The following MICU2 variants were observed in gnomAD, a reference collection of about 807,000 sequenced individuals.
MICU2 encodes the protein mitochondrial calcium uptake 2, also known as calcium uptake protein 2, mitochondrial.
A neutral mutation model predicts 60.4 loss-of-function variants in MICU2; 64 were observed. That is an observed-to-expected ratio of 1.06 (90% CI 0.87 to 1.31). The LOEUF is 1.31. Ranked by LOEUF, MICU2 falls within the 50% of genes most tolerant of loss-of-function variation. The pLI, the probability that MICU2 is intolerant of heterozygous loss-of-function variation, is 0.00. For synonymous variants in MICU2, 201 were observed against 175.0 expected (o/e 1.15, Z -1.17); for missense variants, 569 against 531.0 (o/e 1.07, Z -0.70).
chr13:21,566,896 T>C lies in MICU2; in HGVS notation c.259A>G (p.Lys87Glu). 6.8e-6 allele frequency: 11 copies of C among 1,612,256 alleles called. No homozygotes were observed. Among genetic ancestry groups the C allele is most frequent in the South Asian group, 2.2e-5 (2 of 90,728 alleles). ...IIYIGKPSLRKQRFMQFSSLE... is the reference protein window; with the variant it reads ...IIYIGKPSLREQRFMQFSSLE... ...GAAGAAAACTGCATGAAGCGCTGCT[T>C]ACGAAGAGACGGTTTCCCAATATAT... The change falls in exon 2 of 12, where the codon AAG becomes GAG. Residue 87 changes from lysine to glutamate, a missense_variant. By Grantham distance (56) the Lys-to-Glu change is moderately conservative. Transcript: ENST00000382374.
chr13:21,570,070 C>T (rs1888073568), intron 1 of MICU2, among the ~76,000 whole-genome samples: 1 of 152,208 alleles, frequency 6.6e-6, no homozygotes, highest in African/African-American at 2.4e-5. Context: ...TAGAATTAGT[C>T]ATCCTTTAGT....
intron 1 of MICU2, among the ~76,000 whole-genome samples, chr13:21,590,378 C>G (rs1254442676): frequency 6.6e-6 from 1 of 152,202 alleles, no homozygotes; most frequent in Non-Finnish European, 1.5e-5. Flanking sequence ...AAATCCTTTC[C>G]AGACAAGCAA....
At chr13:21,563,748 A>G (rs946272904) in intron 2 of MICU2, among the ~76,000 whole-genome samples, 2 of 150,728 alleles carry the variant, frequency 1.3e-5, no homozygotes, top group African/African-American at 4.9e-5. Flanking sequence ...TTCTATTGAC[A>G]TATCTTCAAG....
intron 8 of MICU2, among the ~76,000 whole-genome samples, chr13:21,509,072 A>C (rs917489724): frequency 7.2e-5 from 11 of 152,340 alleles, no homozygotes; most frequent in African/African-American, 2.6e-4. Context: ...AATAAGATGC[A>C]GGTCTCCTGC....
chr13:21,512,305 T>C (rs1299699257), intron 7 of MICU2, among the ~76,000 whole-genome samples: 2 of 152,226 alleles, frequency 1.3e-5, no homozygotes, highest in African/African-American at 4.8e-5. Context: ...GTTAATCACT[T>C]TGTGGTTAAA....
rs142219598 is a variant in MICU2, at chr13:21,564,434, G to A, written c.358+2363C>T. Among the ~76,000 whole-genome samples, 57 of 152,174 alleles carry A rather than the reference G, an allele frequency of 3.7e-4. No homozygotes were observed. In the East Asian group the frequency reaches 7.7e-3, roughly 21 times the overall value. On this transcript the variant is annotated intron_variant, in intron 2 of 11. Coordinates refer to ENST00000382374, the MANE Select transcript of MICU2 (RefSeq NM_152726.3). ...AAAATCTAAGAGGTAAGTTCTTTCAGTACTGCCTTATTATTGCAAAGGGGC... is the reference window on the plus strand; with the variant it reads ...AAAATCTAAGAGGTAAGTTCTTTCAATACTGCCTTATTATTGCAAAGGGGC...
At chr13:21,547,776 C>T (rs1264370603) in intron 2 of MICU2, among the ~76,000 whole-genome samples, 1 of 115,188 alleles carries the variant, frequency 8.7e-6, no homozygotes, top group Non-Finnish European at 1.6e-5. Context: ...CACAGGTGTC[C>T]ATGTGTACTT....
At chr13:21,516,994 T>C (rs1014957373) in intron 6 of MICU2, among the ~76,000 whole-genome samples, 6 of 152,228 alleles carry the variant, frequency 3.9e-5, no homozygotes, top group South Asian at 4.1e-4. Context: ...ACATGTACCA[T>C]TGATCAAGGT....
intron 1 of MICU2, among the ~76,000 whole-genome samples, chr13:21,590,319 C>G (rs1322327956): frequency 2.0e-5 from 3 of 152,166 alleles, no homozygotes; most frequent in African/African-American, 7.2e-5. Context: ...ATTTTCAACC[C>G]AGAATTCCAT....
intron 1 of MICU2, among the ~76,000 whole-genome samples, chr13:21,596,931 G>A (rs1888708264): frequency 6.6e-6 from 1 of 152,174 alleles, no homozygotes; most frequent in Middle Eastern, 3.4e-3. Context: ...TGCCATGTCA[G>A]GATTATTTTC....
intron 6 of MICU2, among the ~76,000 whole-genome samples, chr13:21,519,484 T>C (rs1006273812): frequency 3.3e-5 from 5 of 152,236 alleles, no homozygotes; most frequent in African/African-American, 1.2e-4. Context: ...CTCACTGTTC[T>C]GCTCCTTCTC....
intron 4 of MICU2, among the ~76,000 whole-genome samples, chr13:21,534,864 C>G (rs1034066099): frequency 6.6e-6 from 1 of 152,068 alleles, no homozygotes; most frequent in Non-Finnish European, 1.5e-5. Flanking sequence ...AAGCATAAGA[C>G]TGTTTATTGG....
chr13:21,576,908 C>T (rs1479558805), intron 1 of MICU2, among the ~76,000 whole-genome samples: 2 of 152,084 alleles, frequency 1.3e-5, no homozygotes, highest in African/African-American at 4.8e-5. Flanking sequence ...GACAGTTTTG[C>T]TCTACAAATA....
At chr13:21,499,440 C>T (rs11617875) in intron 9 of MICU2, among the ~76,000 whole-genome samples, 25,921 of 150,922 alleles carry the variant, frequency 0.17, 2,985 homozygotes, top group Non-Finnish European at 0.26. Context: ...GATGGAGTCT[C>T]GCTCTGTCAC....
chr13:21,559,398 C>A (rs763377431), intron 2 of MICU2, among the ~76,000 whole-genome samples: 1 of 152,206 alleles, frequency 6.6e-6, no homozygotes, highest in African/African-American at 2.4e-5. Context: ...TCCCACTGCA[C>A]AGGGGCAAAT....
At chr13:21,570,168 G>A (rs902879180) in intron 1 of MICU2, among the ~76,000 whole-genome samples, 3 of 152,138 alleles carry the variant, frequency 2.0e-5, no homozygotes, top group Admixed American at 6.5e-5. Context: ...TGCACTGAAT[G>A]TGTTTCTTTG....
chr13:21,592,024 G>A (rs1427986701), intron 1 of MICU2, among the ~76,000 whole-genome samples: 1 of 144,898 alleles, frequency 6.9e-6, no homozygotes, highest in Non-Finnish European at 1.5e-5. Context: ...GAGAAGCGTT[G>A]AAGGAGATAG....
chr13:21,545,502 G>A (rs1354741274), intron 2 of MICU2, among the ~76,000 whole-genome samples: 2 of 152,144 alleles, frequency 1.3e-5, no homozygotes, highest in Non-Finnish European at 2.9e-5. Context: ...CCAGCGTGGT[G>A]AAACTCCATC....
chr13:21,570,657 T>C (rs1324239925), intron 1 of MICU2, among the ~76,000 whole-genome samples: 1 of 152,242 alleles, frequency 6.6e-6, no homozygotes, highest in Non-Finnish European at 1.5e-5. Context: ...TGCAAAGCAT[T>C]TGGCCTGGTG....
Sources: allele counts gnomAD v4.1 joint callset (sites outside exome capture counted in the v4.1 genomes callset), GRCh38; gene constraint gnomAD v4.1.1; transcripts MANE v1.5; gene names NCBI Gene and HGNC (gene_info 2026-07-23, HGNC 2026-07-21).